Variants in DLC1 observed in about 807,000 individuals in gnomAD.
The protein encoded by DLC1 is rho GTPase-activating protein 7.
Under a neutral mutation model 140.3 loss-of-function variants are expected in DLC1, and 54 were observed. The ratio of observed to expected loss-of-function variants is 0.38; its 90% CI spans 0.31 to 0.48. The LOEUF is 0.48. Among genes scored for constraint, DLC1 ranks in the 20% least tolerant of loss-of-function variants. The pLI, the probability that DLC1 is intolerant of heterozygous loss-of-function variation, is 0.96. For synonymous variants in DLC1, 986 were observed against 728.1 expected (o/e 1.35, Z -5.70); for missense variants, 2,536 against 1,907.0 (o/e 1.33, Z -6.14).
intron 2 of DLC1, among the ~76,000 whole-genome samples, chr8:13,406,996 C>T (rs532305021): frequency 8.5e-5 from 13 of 152,150 alleles, no homozygotes; most frequent in Non-Finnish European, 1.9e-4. Flanking sequence ...GGGACTGCAA[C>T]CAGCTGCTGT....
intron 5 of DLC1, among the ~76,000 whole-genome samples, chr8:13,256,524 T>C (rs545758271): frequency 5.3e-4 from 80 of 152,264 alleles, no homozygotes; most frequent in Non-Finnish European, 9.7e-4. Context: ...ATATACACCA[T>C]GGAATATACT....
intron 1 of DLC1, among the ~76,000 whole-genome samples, chr8:13,588,836 T>C (rs546708092): frequency 4.6e-5 from 7 of 152,142 alleles, no homozygotes; most frequent in Admixed American, 2.0e-4. Flanking sequence ...TCTTCTGCTC[T>C]ATGTTTATGG....
rs539835741 is a variant in DLC1, at chr8:13,471,093, T to A, written c.1023+27956A>T. ...TTTTTAGAGTCTACAATGGTCAAAT[T>A]CATAGAAATAGTGAGTAGAATGGTG... On this transcript the variant is annotated intron_variant, in intron 2 of 17. Coordinates refer to ENST00000276297, the MANE Select transcript of DLC1 (RefSeq NM_182643.3). 1.3e-4 allele frequency among the ~76,000 whole-genome samples: 19 copies of A among 151,754 alleles called. No individual in the cohort carries two copies. In the South Asian group the frequency reaches 1.9e-3, roughly 15 times the overall value.
chr8:13,242,865 T>G (rs1014692586), intron 5 of DLC1, among the ~76,000 whole-genome samples: 3 of 152,082 alleles, frequency 2.0e-5, no homozygotes, highest in Admixed American at 6.6e-5. Context: ...ACCAGTTTAG[T>G]GAGCAGGACT....
chr8:13,513,077 G>A (rs58775501), intron 1 of DLC1, among the ~76,000 whole-genome samples: 3,583 of 151,702 alleles, frequency 0.024, 169 homozygotes, highest in African/African-American at 0.081. Flanking sequence ...GGGAGGGCAG[G>A]ATGATGGGAT....
At chr8:13,410,652 T>TA (rs71207151) in intron 2 of DLC1, among the ~76,000 whole-genome samples, 45,075 of 147,594 alleles carry the variant, frequency 0.31, 6,900 homozygotes, top group Middle Eastern at 0.35. Flanking sequence ...AAGACCATTA[T>TA]AAAAAAAAAA....
intron 1 of DLC1, among the ~76,000 whole-genome samples, chr8:13,595,520 T>C (rs1434805057): frequency 6.6e-6 from 1 of 152,210 alleles, no homozygotes; most frequent in African/African-American, 2.4e-5. Flanking sequence ...ATTAATGAGA[T>C]AAATACCAGA....
chr8:13,339,196 A>T (rs1380511811), intron 4 of DLC1, among the ~76,000 whole-genome samples: 1 of 152,230 alleles, frequency 6.6e-6, no homozygotes, highest in Non-Finnish European at 1.5e-5. Flanking sequence ...CATTGAAATG[A>T]TGCACGTAAG....
chr8:13,197,140 A>C (rs1056233667), intron 5 of DLC1, among the ~76,000 whole-genome samples: 1 of 152,146 alleles, frequency 6.6e-6, no homozygotes, highest in African/African-American at 2.4e-5. Context: ...GAGGATGTCT[A>C]GTGGGTAAAG....
At chr8:13,469,165 TTC>T (rs1800092478) in intron 2 of DLC1, among the ~76,000 whole-genome samples, 2 of 152,226 alleles carry the variant, frequency 1.3e-5, no homozygotes, top group African/African-American at 2.4e-5. Flanking sequence ...CTTAATAATT[TTC>T]TTTCTTCATT....
intron 2 of DLC1, among the ~76,000 whole-genome samples, chr8:13,439,291 T>C (rs1054551748): frequency 6.6e-6 from 1 of 151,894 alleles, no homozygotes; most frequent in Admixed American, 6.6e-5. Flanking sequence ...GCCACTGCAC[T>C]CCAGTCTGGG....
intron 5 of DLC1, among the ~76,000 whole-genome samples, chr8:13,131,381 C>T (rs1261794982): frequency 1.3e-5 from 2 of 152,186 alleles, no homozygotes; most frequent in Admixed American, 1.3e-4. Context: ...CAGTATTCTG[C>T]CTTCTCCCGA....
At chr8:13,282,397 T>A (rs143045921) in intron 5 of DLC1, among the ~76,000 whole-genome samples, 21 of 152,320 alleles carry the variant, frequency 1.4e-4, no homozygotes, top group Non-Finnish European at 2.6e-4. Flanking sequence ...AACTTTTTTC[T>A]ATGTCATGAT....
In DLC1 at chr8:13,120,370, T is replaced by TATATATATAA. The variant is rs369581778; in HGVS notation, c.1349-4714_1349-4713insTTATATATAT. ...AAAAAAAAAAAAATATATATATATA[T>TATATATATAA]AAAATGTATATTATGTAACAAATAC... On this transcript the variant is annotated intron_variant, in intron 5 of 17. Coordinates refer to ENST00000276297, the MANE Select transcript of DLC1 (RefSeq NM_182643.3). Among the ~76,000 whole-genome samples, 18 of 110,864 alleles carry TATATATATAA rather than the reference T, an allele frequency of 1.6e-4. No individual in the cohort carries two copies. In the East Asian group the frequency reaches 2.1e-3, roughly 13 times the overall value. The allele number at this position is 110,864 out of a possible 152,430, so 72.7% of individuals were successfully genotyped here. A position where few individuals can be genotyped will look rare whatever the true frequency, so the allele number is the denominator to read the frequency against.
chr8:13,269,099 T>A (rs1205120758), intron 5 of DLC1, among the ~76,000 whole-genome samples: 5 of 151,860 alleles, frequency 3.3e-5, no homozygotes, highest in Admixed American at 1.3e-4. Context: ...GGTCTCAATC[T>A]CCTGACCTCG....
intron 2 of DLC1, among the ~76,000 whole-genome samples, chr8:13,445,422 C>A (rs1585120235): frequency 6.6e-6 from 1 of 152,262 alleles, no homozygotes; most frequent in East Asian, 1.9e-4. Context: ...TAGTTTAAAT[C>A]CTCACAGGGC....
At chr8:13,500,698 A>C (rs1188496691) in intron 1 of DLC1, among the ~76,000 whole-genome samples, 3 of 152,188 alleles carry the variant, frequency 2.0e-5, no homozygotes, top group African/African-American at 7.2e-5. Flanking sequence ...TGTGTGAAGG[A>C]GCTAACACCG....
At position 13,331,269 on chromosome 8, in the gene DLC1, A is replaced by G. The variant is rs551794616; in HGVS notation, c.1315-25967T>C. Among the ~76,000 whole-genome samples, 38 of 152,340 alleles carry G rather than the reference A, an allele frequency of 2.5e-4. No individual in the cohort carries two copies. The South Asian group carries it at 7.3e-3, about 29-fold the overall frequency. On this transcript the variant is annotated intron_variant, in intron 4 of 17. Coordinates refer to ENST00000276297, the MANE Select transcript of DLC1 (RefSeq NM_182643.3). ...TGGCTACTCTGGAAAATAATGATTGATAGGAGTAAACCTGGTATTCGTTTG... is the reference window on the plus strand; with the variant it reads ...TGGCTACTCTGGAAAATAATGATTGGTAGGAGTAAACCTGGTATTCGTTTG...
chr8:13,582,844 GC>G (rs1379633876), intron 1 of DLC1, among the ~76,000 whole-genome samples: 1 of 129,700 alleles, frequency 7.7e-6, no homozygotes, highest in Non-Finnish European at 1.6e-5. Flanking sequence ...GCTTCCCAGT[GC>G]ATATAAAAGT....
Sources: gnomAD v4.1 joint callset for allele counts (sites outside exome capture counted in the v4.1 genomes callset) on GRCh38, gnomAD v4.1.1 for gene constraint, MANE v1.5 for transcripts, NCBI Gene and HGNC (gene_info 2026-07-23, HGNC 2026-07-21) for gene names.